ETV6: variants seen among roughly 807,000 people sequenced by gnomAD.
ETV6 encodes transcription factor ETV6.
Under a neutral mutation model 51.1 loss-of-function variants are expected in ETV6, and 16 were observed. That is an observed-to-expected ratio of 0.31 (90% CI 0.21 to 0.48). ETV6 has a LOEUF of 0.48. Among genes scored for constraint, ETV6 ranks in the 20% least tolerant of loss-of-function variants. The pLI is 0.99. For synonymous variants in ETV6, 240 were observed against 224.1 expected (o/e 1.07, Z -0.64); for missense variants, 458 against 594.8 (o/e 0.77, Z 2.39).
chr12:11,826,212 G>A (rs1386300863), intron 2 of ETV6, among the ~76,000 whole-genome samples: 2 of 152,022 alleles, frequency 1.3e-5, no homozygotes, highest in Admixed American at 6.6e-5. Context: ...CCCATCTTAC[G>A]CTCTGCCCAA....
Position 11,821,105 on chromosome 12 carries a change from G to T in ETV6, c.164-18035G>T, listed in dbSNP as rs1844260461. 3.9e-5 allele frequency among the ~76,000 whole-genome samples: 6 copies of T among 152,170 alleles called. No individual in the cohort carries two copies. In the South Asian group the frequency reaches 1.2e-3, roughly 32 times the overall value. Reference sequence around the variant, plus strand: ...GGGCTGGGCACGGTGGCTCACGCCTGTAATCCCAGCACTTTGGGAGGCTGA... The same window carrying T: ...GGGCTGGGCACGGTGGCTCACGCCTTTAATCCCAGCACTTTGGGAGGCTGA... On this transcript the variant is annotated intron_variant, in intron 2 of 7. Coordinates refer to ENST00000396373, the MANE Select transcript of ETV6 (RefSeq NM_001987.5).
intron 2 of ETV6, among the ~76,000 whole-genome samples, chr12:11,830,892 T>C (rs979331807): frequency 5.3e-5 from 8 of 152,156 alleles, no homozygotes; most frequent in African/African-American, 1.7e-4. Flanking sequence ...GTAGAAATGA[T>C]AGCAGAGGGT....
chr12:11,770,883 G>C (rs1355929334), intron 2 of ETV6, among the ~76,000 whole-genome samples: 1 of 151,334 alleles, frequency 6.6e-6, no homozygotes, highest in Non-Finnish European at 1.5e-5. Flanking sequence ...CTGAACAACA[G>C]AGCAAGACCC....
chr12:11,755,688 A>G (rs1465818489), intron 2 of ETV6, among the ~76,000 whole-genome samples: 2 of 152,186 alleles, frequency 1.3e-5, no homozygotes, highest in African/African-American at 2.4e-5. Flanking sequence ...GAATTGGGTT[A>G]TTGCTGTTTT....
intron 1 of ETV6, among the ~76,000 whole-genome samples, chr12:11,708,068 TC>T (rs1419674137): frequency 6.6e-6 from 1 of 152,202 alleles, no homozygotes; most frequent in African/African-American, 2.4e-5. Context: ...CTGTTATGCT[TC>T]CCTCTGTGGT....
chr12:11,725,903 C>T (rs1865478925), intron 1 of ETV6, among the ~76,000 whole-genome samples: 1 of 152,202 alleles, frequency 6.6e-6, no homozygotes, highest in South Asian at 2.1e-4. Context: ...GGCCATGCTT[C>T]CTGTAGCGCC....
At chr12:11,767,274 G>T (rs547430588) in intron 2 of ETV6, among the ~76,000 whole-genome samples, 2 of 152,286 alleles carry the variant, frequency 1.3e-5, no homozygotes, top group South Asian at 4.1e-4. Context: ...TCACATTGTT[G>T]TGAGGAAATT....
At chr12:11,868,672 A>G (rs1473425887) in intron 4 of ETV6, among the ~76,000 whole-genome samples, 1 of 151,926 alleles carries the variant, frequency 6.6e-6, no homozygotes, top group Non-Finnish European at 1.5e-5. Flanking sequence ...AATTATTACT[A>G]ATATTATTAA....
chr12:11,809,812 CTTTTTTTT>C (rs927002978), intron 2 of ETV6, among the ~76,000 whole-genome samples: 2 of 81,764 alleles, frequency 2.4e-5, no homozygotes, highest in African/African-American at 5.7e-5. Context: ...AGAGCTTCTG[CTTTTTTTT>C]TTTTTTTTTT....
intron 5 of ETV6, among the ~76,000 whole-genome samples, chr12:11,882,808 C>T (rs1014669530): frequency 3.3e-5 from 5 of 152,208 alleles, no homozygotes; most frequent in Non-Finnish European, 7.3e-5. Flanking sequence ...TGTTTCTCTG[C>T]AATGCGGATG....
chr12:11,794,326 A>C (rs951364599), intron 2 of ETV6, among the ~76,000 whole-genome samples: 1 of 152,006 alleles, frequency 6.6e-6, no homozygotes, highest in African/African-American at 2.4e-5. Flanking sequence ...CCTGACCCTT[A>C]CCTGGGGCTA....
At chr12:11,877,357 A>G (rs1469685349) in intron 5 of ETV6, among the ~76,000 whole-genome samples, 1 of 151,560 alleles carries the variant, frequency 6.6e-6, no homozygotes, top group African/African-American at 2.4e-5. Flanking sequence ...CTTGACAGCT[A>G]AAAGACCTCG....
At chr12:11,856,701 G>GA (rs1472619024) in intron 4 of ETV6, among the ~76,000 whole-genome samples, 3 of 151,810 alleles carry the variant, frequency 2.0e-5, no homozygotes, top group African/African-American at 4.8e-5. Flanking sequence ...CCACTGAAAA[G>GA]AAAAAAATCC....
At chr12:11,773,276 A>AT (rs932217929) in intron 2 of ETV6, among the ~76,000 whole-genome samples, 5 of 150,924 alleles carry the variant, frequency 3.3e-5, no homozygotes, top group Middle Eastern at 3.2e-3. Context: ...GGTATAAAGA[A>AT]TTTTTTTTAA....
intron 2 of ETV6, among the ~76,000 whole-genome samples, chr12:11,808,832 G>A (rs774396814): frequency 1.4e-4 from 21 of 152,118 alleles, no homozygotes; most frequent in Non-Finnish European, 2.9e-4. Context: ...AGAAAAATGG[G>A]ATTTCAGGGA....
At chr12:11,697,271 C>T (rs1294204410) in intron 1 of ETV6, among the ~76,000 whole-genome samples, 3 of 152,146 alleles carry the variant, frequency 2.0e-5, no homozygotes, top group Non-Finnish European at 2.9e-5. Context: ...CAGGAGCCAC[C>T]CGAGAACTCC....
intron 1 of ETV6, among the ~76,000 whole-genome samples, chr12:11,750,426 T>C (rs891383263): frequency 6.6e-6 from 1 of 152,168 alleles, no homozygotes; most frequent in African/African-American, 2.4e-5. Flanking sequence ...CTCACTCTCA[T>C]GGACTAGCCA....
chr12:11,816,671 C>G (rs1232605191), intron 2 of ETV6, among the ~76,000 whole-genome samples: 1 of 152,174 alleles, frequency 6.6e-6, no homozygotes, highest in Non-Finnish European at 1.5e-5. Flanking sequence ...AATTGGAAAT[C>G]TGCCTGGCTC....
chr12:11,734,516 CAAAAAAAA>C (rs1043955081), intron 1 of ETV6, among the ~76,000 whole-genome samples: 1 of 68,532 alleles, frequency 1.5e-5, no homozygotes, highest in African/African-American at 4.8e-5. Flanking sequence ...CTGAGATGAG[CAAAAAAAA>C]AAAAGAAAAA....
Sources: gnomAD v4.1 joint callset for allele counts (sites outside exome capture counted in the v4.1 genomes callset) on GRCh38, gnomAD v4.1.1 for gene constraint, MANE v1.5 for transcripts, NCBI Gene and HGNC (gene_info 2026-07-23, HGNC 2026-07-21) for gene names.